TEX9: variants seen among roughly 807,000 people sequenced by gnomAD.
TEX9 encodes the protein testis-expressed protein 9.
TEX9 carries 74 observed loss-of-function variants against 59.6 expected under a neutral mutation model. That is an observed-to-expected ratio of 1.24 (90% CI 1.03 to 1.51). The LOEUF (loss-of-function observed/expected upper bound fraction) is 1.51. Among genes scored for constraint, TEX9 ranks in the 40% most tolerant of loss-of-function variants. The pLI is 0.00. For missense variants in TEX9, 522 were observed against 447.8 expected, an observed-to-expected ratio of 1.17 and a Z score of -1.49; for synonymous variants, 186 against 152.2, an observed-to-expected ratio of 1.22 and a Z score of -1.64.
At chr15:56,410,382 A>C (rs1205123823) in intron 9 of TEX9, among the ~76,000 whole-genome samples, 9 of 152,012 alleles carry the variant, frequency 5.9e-5, no homozygotes, top group African/African-American at 2.2e-4. Flanking sequence ...TGAATGCTTT[A>C]ATAATCATGA....
At chr15:56,268,060 G>A (rs878996763) in intron 1 of TEX9, among the ~76,000 whole-genome samples, 4 of 152,000 alleles carry the variant, frequency 2.6e-5, no homozygotes, top group Admixed American at 6.6e-5. Flanking sequence ...AGTTGGATTC[G>A]TAGGTATTTT....
chr15:56,299,831 T>A (rs774278647), intron 1 of TEX9, among the ~76,000 whole-genome samples: 9 of 152,096 alleles, frequency 5.9e-5, no homozygotes, highest in Non-Finnish European at 1.2e-4. Flanking sequence ...GACCCAGTTC[T>A]GGCAGGATTA....
At chr15:56,457,592 G>A in the TEX9 span, among the ~76,000 whole-genome samples, 2 of 152,164 alleles carry the variant, frequency 1.3e-5, no homozygotes, top group African/African-American at 4.8e-5. Flanking sequence ...GGAGGCTAAG[G>A]TGGGAGGATC....
intron 10 of TEX9, among the ~76,000 whole-genome samples, chr15:56,421,971 G>C (rs2049999097): frequency 6.6e-6 from 1 of 151,006 alleles, no homozygotes; most frequent in African/African-American, 2.5e-5. Context: ...TAGTCCCTTG[G>C]GTATATACCC....
chr15:56,389,349 A>G, exon 6 of TEX9: 1 of 1,611,408 alleles, frequency 6.2e-7, no homozygotes, highest in Non-Finnish European at 8.5e-7. Flanking sequence ...CCTGTAAACA[A>G]GGTTCAAAAC....
chr15:56,371,651 A>C (rs78998985), intron 2 of TEX9, among the ~76,000 whole-genome samples: 8,894 of 152,166 alleles, frequency 0.058, 675 homozygotes, highest in East Asian at 0.37. Flanking sequence ...AGAGTCCTAT[A>C]TATTCTAGAT....
At chr15:56,459,240 A>T in the TEX9 span, among the ~76,000 whole-genome samples, 1 of 152,154 alleles carries the variant, frequency 6.6e-6, no homozygotes, top group African/African-American at 2.4e-5. Context: ...GGTTTATTTC[A>T]CTTAGCAAAA....
chr15:56,343,488 C>T (rs1459762861), intron 1 of TEX9, among the ~76,000 whole-genome samples: 1 of 151,950 alleles, frequency 6.6e-6, no homozygotes, highest in Non-Finnish European at 1.5e-5. Flanking sequence ...AATTGATAGA[C>T]TCCTAGCAGG....
At chr15:56,244,513 TC>T (rs1257619050) in intron 1 of TEX9, among the ~76,000 whole-genome samples, 4 of 152,070 alleles carry the variant, frequency 2.6e-5, no homozygotes, top group Non-Finnish European at 5.9e-5. Context: ...CTCCATGCCA[TC>T]CTCAACGCGC....
At chr15:56,255,360 T>C (rs567288641) in intron 1 of TEX9, among the ~76,000 whole-genome samples, 1 of 152,188 alleles carries the variant, frequency 6.6e-6, no homozygotes, top group South Asian at 2.1e-4. Flanking sequence ...TTATAACTTT[T>C]ATATAGCTGT....
intron 1 of TEX9, among the ~76,000 whole-genome samples, chr15:56,295,943 C>T (rs1042860833): frequency 1.7e-4 from 26 of 152,176 alleles, no homozygotes; most frequent in African/African-American, 6.3e-4. Flanking sequence ...TCCTAAAATC[C>T]CAAACTGCTG....
downstream of TEX9, among the ~76,000 whole-genome samples, chr15:56,450,554 G>C (rs74247168): frequency 1.0e-3 from 159 of 152,058 alleles, no homozygotes; most frequent in East Asian, 0.029. Flanking sequence ...TGTTTTCAAG[G>C]TTCACTAATA....
At chr15:56,346,760 A>G (rs1481828753) in intron 1 of TEX9, among the ~76,000 whole-genome samples, 1 of 152,202 alleles carries the variant, frequency 6.6e-6, no homozygotes, top group African/African-American at 2.4e-5. Context: ...AGGAAATTAA[A>G]CGCATAAAAA....
intron 6 of TEX9, among the ~76,000 whole-genome samples, chr15:56,390,113 A>G (rs2048136593): frequency 6.6e-6 from 1 of 151,944 alleles, no homozygotes; most frequent in Non-Finnish European, 1.5e-5. Flanking sequence ...GATGGAAAAA[A>G]TAGAGTGAAG....
chr15:56,405,354 A>G (rs944737930), intron 9 of TEX9, among the ~76,000 whole-genome samples: 4 of 151,968 alleles, frequency 2.6e-5, no homozygotes, highest in East Asian at 1.9e-4. Context: ...TGGTTAAGCA[A>G]ATTACCCAAG....
At chr15:56,272,245 G>C (rs1483807974) in intron 1 of TEX9, among the ~76,000 whole-genome samples, 2 of 152,076 alleles carry the variant, frequency 1.3e-5, no homozygotes, top group Non-Finnish European at 2.9e-5. Flanking sequence ...GCCCCAAGAA[G>C]AAACTTGTAC....
At chr15:56,361,451 T>G (rs2141920770), upstream of TEX9, among the ~76,000 whole-genome samples, 1 of 152,338 alleles carries the variant, frequency 6.6e-6, no homozygotes, top group East Asian at 1.9e-4. Flanking sequence ...ATTTACTTGA[T>G]CCATGTATTA....
At chr15:56,277,495 G>A (rs1462651961) in intron 1 of TEX9, among the ~76,000 whole-genome samples, 2 of 152,096 alleles carry the variant, frequency 1.3e-5, no homozygotes, top group East Asian at 1.9e-4. Flanking sequence ...GATGTGTGGT[G>A]TTATTTCTGA....
chr15:56,267,957 T>C (rs1311252236), intron 1 of TEX9, among the ~76,000 whole-genome samples: 1 of 152,246 alleles, frequency 6.6e-6, no homozygotes, highest in East Asian at 1.9e-4. Context: ...TTCCTGTCTG[T>C]GAGCATGAAA....
Sources: allele counts gnomAD v4.1 joint callset (sites outside exome capture counted in the v4.1 genomes callset), GRCh38; gene constraint gnomAD v4.1.1; transcripts MANE v1.5; gene names NCBI Gene and HGNC (gene_info 2026-07-23, HGNC 2026-07-21).